Variants in NUDT6 observed in about 807,000 individuals in gnomAD.
The protein encoded by NUDT6 is nudix hydrolase 6.
NUDT6 carries 24 observed loss-of-function variants against 36.8 expected under a neutral mutation model. The observed-to-expected ratio is 0.65, with a 90% CI of 0.47 to 0.92. The LOEUF (loss-of-function observed/expected upper bound fraction) is 0.92, where lower values mean the gene tolerates loss of function less well. Ranked by LOEUF, NUDT6 falls within the 40% of genes least tolerant of loss-of-function variation. The pLI, the probability that NUDT6 is intolerant of heterozygous loss-of-function variation, is 0.00. For synonymous variants in NUDT6, 163 were observed against 157.0 expected (o/e 1.04, Z -0.29); for missense variants, 388 against 392.8 (o/e 0.99, Z 0.10).
At chr4:122,910,351 C>A (rs1727708210) in intron 3 of NUDT6, among the ~76,000 whole-genome samples, 1 of 152,202 alleles carries the variant, frequency 6.6e-6, no homozygotes, top group Admixed American at 6.5e-5. Flanking sequence ...TCAGCTATAT[C>A]TGCCAGGAAA....
intron 3 of NUDT6, among the ~76,000 whole-genome samples, chr4:122,910,018 T>G (rs1413380710): frequency 6.6e-6 from 1 of 152,218 alleles, no homozygotes; most frequent in African/African-American, 2.4e-5. Context: ...CAGAAAACAC[T>G]TTCACTTATT....
Position 122,917,622 on chromosome 4 carries a change from A to T in NUDT6, c.321T>A (p.Pro107=). ...IPILQSRFIA[P]AASLGFCFHH... ...GAAAGCAGAAGCCCAGGGAAGCAGC[A>T]GGGGCAATAAATCGGCTTTGGAGGA... Residue 107 remains proline (P), a synonymous_variant, in exon 2 of 5, where the codon CCT becomes CCA. Transcript: ENST00000304430. 6.2e-6 allele frequency: 10 copies of T among 1,614,218 alleles called. No homozygotes were observed. Among genetic ancestry groups the T allele is most frequent in the Non-Finnish European group, 8.5e-6 (10 of 1,180,018 alleles).
chr4:122,897,558 C>A, intron 4 of NUDT6, 66 bp downstream of exon 4: 1 of 1,154,538 alleles, frequency 8.7e-7, no homozygotes, highest in Non-Finnish European at 1.3e-6. Context: ...AGCTATAAAG[C>A]AAGAAAGTAA....
chr4:122,919,925 T>C (rs1727932773), intron 1 of NUDT6: 1 of 152,242 alleles, frequency 6.6e-6, no homozygotes, highest in Admixed American at 6.5e-5. Context: ...ATGAAATGAC[T>C]GGCTTGCCTA....
chr4:122,916,453 T>C (rs1727846069), intron 2 of NUDT6, among the ~76,000 whole-genome samples: 1 of 152,206 alleles, frequency 6.6e-6, no homozygotes, highest in South Asian at 2.1e-4. Flanking sequence ...TTGCTTTACC[T>C]GAAATTCAAC....
intron 3 of NUDT6, among the ~76,000 whole-genome samples, chr4:122,907,514 G>A (rs1185471247): frequency 2.7e-5 from 4 of 146,470 alleles, no homozygotes; most frequent in African/African-American, 5.1e-5. Context: ...GCAGTGGCGC[G>A]ATCTTGGCTC....
chr4:122,893,120 T>A lies in NUDT6; in HGVS notation c.659A>T (p.Lys220Met). ...QQHTNPGAFG[K>M]SDMYIICRLK... ...GCGGCAGATGATATACATATCTGAC[T>A]TCCCAAAAGCTCCAGGATTTGTGTG... The change falls in exon 5 of 5, where the codon AAG (lysine) becomes ATG (methionine). Residue 220 changes from lysine to methionine, a missense_variant. Coordinates refer to ENST00000304430, the MANE Select transcript of NUDT6 (RefSeq NM_007083.5). The A allele has an allele frequency of 6.2e-7, 1 of 1,614,190 alleles. No homozygotes were observed. The highest frequency in any genetic ancestry group is 8.5e-7 in the Non-Finnish European group (1 of 1,180,022).
intron 2 of NUDT6, among the ~76,000 whole-genome samples, chr4:122,917,095 C>T (rs549638626): frequency 2.6e-5 from 4 of 152,304 alleles, no homozygotes; most frequent in African/African-American, 9.6e-5. Context: ...ATTCACCTCA[C>T]TTCACCTCAT....
intron 1 of NUDT6, chr4:122,920,060 G>A (rs748289659): frequency 2.0e-5 from 3 of 152,054 alleles, no homozygotes; most frequent in Non-Finnish European, 4.4e-5. Context: ...TTCAGTTGTT[G>A]GTAACAAAAC....
At chr4:122,922,215 C>T (rs1212767641) in intron 1 of NUDT6, 120 bp downstream of exon 1, 4 of 808,056 alleles carry the variant, frequency 5.0e-6, no homozygotes, top group Non-Finnish European at 5.5e-6. Flanking sequence ...TCACGCGTGC[C>T]TTCTCCCTTT....
At chr4:122,897,232 T>G (rs1727388875) in intron 4 of NUDT6, 1 of 168,244 alleles carries the variant, frequency 5.9e-6, no homozygotes, top group African/African-American at 2.4e-5. Context: ...AAGGCTACTA[T>G]TCATCCTCTG....
In NUDT6 at chr4:122,922,558, C is replaced by T. The variant is rs1198832868; in HGVS notation, c.15G>A (p.Leu5=). The T allele has an allele frequency of 6.3e-7, 1 of 1,599,104 alleles. No individual in the cohort carries two copies. Among genetic ancestry groups the T allele is most frequent in the Non-Finnish European group, 8.5e-7 (1 of 1,176,662 alleles). ...GCATCGCGCGCCAGCGGCCCCAGCTCAGTGGCTGCCGCATCTCCACGCCGC... is the reference window on the plus strand; with the variant it reads ...GCATCGCGCGCCAGCGGCCCCAGCTTAGTGGCTGCCGCATCTCCACGCCGC... MRQP[L]SWGRWRAMLA... The change falls in exon 1 of 5, where the codon CTG becomes CTA. Residue 5 remains leucine, a synonymous_variant. Transcript: ENST00000304430.
At chr4:122,904,798 C>G (rs1330588378) in intron 3 of NUDT6, among the ~76,000 whole-genome samples, 2 of 152,088 alleles carry the variant, frequency 1.3e-5, no homozygotes, top group Non-Finnish European at 2.9e-5. Flanking sequence ...GTTGACTTTC[C>G]CAGTCTGTGA....
intron 2 of NUDT6, among the ~76,000 whole-genome samples, chr4:122,915,867 T>A (rs1230955270): frequency 6.6e-6 from 1 of 152,204 alleles, no homozygotes; most frequent in Non-Finnish European, 1.5e-5. Flanking sequence ...GTCTACTTGC[T>A]ACAGGGAAGT....
chr4:122,899,064 G>C (rs1161688486), intron 3 of NUDT6, among the ~76,000 whole-genome samples: 1 of 6,326 alleles, frequency 1.6e-4, no homozygotes. Flanking sequence ...TTTTTTTAGA[G>C]ATGAGATTTC....
Position 122,910,617 on chromosome 4 carries a change from C to A in NUDT6, c.498+1951G>T, listed in dbSNP as rs72674948. Among the ~76,000 whole-genome samples, 875 of 152,286 alleles carry A rather than the reference C, an allele frequency of 5.7e-3. 5 individuals are homozygous for A. The highest frequency in any genetic ancestry group is 0.034 in the Middle Eastern group (10 of 294). On this transcript the variant is annotated intron_variant, in intron 3 of 4. Coordinates refer to ENST00000304430, the MANE Select transcript of NUDT6 (RefSeq NM_007083.5). ...CCCAGTGTGCTATTTAAAAAACCTT[C>A]ATGGTTTACCCTTTTCTTTCCATAC... is the stretch of plus-strand genomic sequence containing the variant.
At chr4:122,922,245 G>T in intron 1 of NUDT6, 90 bp downstream of exon 1, 1 of 1,135,560 alleles carries the variant, frequency 8.8e-7, no homozygotes, top group Non-Finnish European at 1.2e-6. Flanking sequence ...CTCGACAGTG[G>T]TGCACAGAGC....
At chr4:122,917,478 C>G (rs1315475281) in intron 2 of NUDT6, 23 bp downstream of exon 2, 1 of 1,600,744 alleles carries the variant, frequency 6.2e-7, no homozygotes, top group East Asian at 2.2e-5. Context: ...GTTAATTCTG[C>G]TCATCATGAG....
intron 2 of NUDT6, among the ~76,000 whole-genome samples, chr4:122,913,518 T>C (rs1012272972): frequency 6.6e-6 from 1 of 152,216 alleles, no homozygotes; most frequent in Non-Finnish European, 1.5e-5. Flanking sequence ...ATAAATGAAT[T>C]GACTTCTCAT....
Sources: allele counts gnomAD v4.1 joint callset (sites outside exome capture counted in the v4.1 genomes callset), GRCh38; gene constraint gnomAD v4.1.1; transcripts MANE v1.5; gene names NCBI Gene and HGNC (gene_info 2026-07-23, HGNC 2026-07-21).